Variants in PRTFDC1 observed in about 807,000 individuals in gnomAD.
The protein encoded by PRTFDC1 is phosphoribosyl transferase domain containing 1.
In PRTFDC1, 38 loss-of-function variants were observed where a neutral mutation model predicts 34.6. The observed-to-expected ratio is 1.10, with a 90% CI of 0.85 to 1.44. The LOEUF (loss-of-function observed/expected upper bound fraction) is 1.44. Among genes scored for constraint, PRTFDC1 ranks in the 40% most tolerant of loss-of-function variants. PRTFDC1 has a pLI of 0.00. For missense variants in PRTFDC1, 270 were observed against 283.0 expected, an observed-to-expected ratio of 0.95 and a Z score of 0.33; for synonymous variants, 93 against 98.1, an observed-to-expected ratio of 0.95 and a Z score of 0.31.
chr10:24,940,701 GA>G (rs1849140956), intron 2 of PRTFDC1, among the ~76,000 whole-genome samples: 2 of 152,162 alleles, frequency 1.3e-5, no homozygotes. Context: ...CCATCCAAGA[GA>G]AATGAAAAGA....
intron 4 of PRTFDC1, among the ~76,000 whole-genome samples, chr10:24,862,977 A>C (rs1456119541): frequency 6.6e-6 from 1 of 152,086 alleles, no homozygotes; most frequent in Non-Finnish European, 1.5e-5. Context: ...TCCTGGGTTC[A>C]AGCAATTCTC....
chr10:24,936,356 G>A (rs1849051932), intron 3 of PRTFDC1, among the ~76,000 whole-genome samples: 1 of 151,236 alleles, frequency 6.6e-6, no homozygotes, highest in Admixed American at 6.6e-5. Flanking sequence ...ACAGCTCACT[G>A]CAGCCTCTGT....
intron 2 of PRTFDC1, among the ~76,000 whole-genome samples, chr10:24,939,523 T>C (rs948471647): frequency 6.6e-6 from 1 of 152,044 alleles, no homozygotes; most frequent in African/African-American, 2.4e-5. Flanking sequence ...GCTCACTTTA[T>C]GGCTTACACC....
At chr10:24,879,722 AT>A (rs1848033009) in intron 3 of PRTFDC1, among the ~76,000 whole-genome samples, 1 of 152,218 alleles carries the variant, frequency 6.6e-6, no homozygotes, top group Non-Finnish European at 1.5e-5. Context: ...TTTGAAAACT[AT>A]TAAGTGGGTG....
chr10:24,928,901 G>T (rs1194479002), intron 3 of PRTFDC1, among the ~76,000 whole-genome samples: 2 of 151,624 alleles, frequency 1.3e-5, no homozygotes, highest in African/African-American at 2.4e-5. Context: ...TTAGCCGGGC[G>T]TGGTGGCGGG....
chr10:24,916,387 A>G (rs960853321), intron 3 of PRTFDC1, among the ~76,000 whole-genome samples: 2 of 152,146 alleles, frequency 1.3e-5, no homozygotes, highest in African/African-American at 4.8e-5. Context: ...TCTGCTCAAA[A>G]CCCAGTGAAA....
intron 7 of PRTFDC1, among the ~76,000 whole-genome samples, chr10:24,852,313 A>G (rs746513242): frequency 2.0e-5 from 3 of 151,816 alleles, no homozygotes; most frequent in Non-Finnish European, 4.4e-5. Flanking sequence ...CCACCATGCC[A>G]GGCTAATTTT....
At chr10:24,931,680 C>G (rs1848974341) in intron 3 of PRTFDC1, among the ~76,000 whole-genome samples, 1 of 151,750 alleles carries the variant, frequency 6.6e-6, no homozygotes. Flanking sequence ...AAACTATTAG[C>G]CTGAATACTC....
intron 3 of PRTFDC1, among the ~76,000 whole-genome samples, chr10:24,883,083 AAC>A (rs1309149517): frequency 6.7e-6 from 1 of 148,242 alleles, no homozygotes; most frequent in Non-Finnish European, 1.5e-5. Context: ...TTTATATATA[AAC>A]ACATAGAATA....
chr10:24,869,481 C>G (rs1171012997), intron 4 of PRTFDC1, among the ~76,000 whole-genome samples: 2 of 152,138 alleles, frequency 1.3e-5, no homozygotes, highest in Non-Finnish European at 2.9e-5. Context: ...TGAAAAACTC[C>G]ACAAACAATA....
chr10:24,871,980 A>G lies in PRTFDC1; in HGVS notation c.405+18T>C, dbSNP rs1197374332. On this transcript the variant is annotated intron_variant, in intron 4 of 8. Transcript: ENST00000320152. ...CCCCAGACCTCAATGCGGTCTGAGCACAGTTACATGAACAAACCTTTCCAG... is the reference window on the plus strand; with the variant it reads ...CCCCAGACCTCAATGCGGTCTGAGCGCAGTTACATGAACAAACCTTTCCAG... 1.3e-5 allele frequency: 21 copies of G among 1,595,812 alleles called. No individual in the cohort carries two copies. The highest frequency in any genetic ancestry group is 1.7e-5 in the Non-Finnish European group (20 of 1,163,616).
intron 6 of PRTFDC1, among the ~76,000 whole-genome samples, chr10:24,855,943 A>G (rs1247591195): frequency 6.6e-6 from 1 of 151,890 alleles, no homozygotes; most frequent in African/African-American, 2.4e-5. Flanking sequence ...GTGAAAACCC[A>G]TCTTTACTAA....
intron 3 of PRTFDC1, among the ~76,000 whole-genome samples, chr10:24,914,296 A>C (rs2132573527): frequency 6.6e-6 from 1 of 152,308 alleles, no homozygotes; most frequent in African/African-American, 2.4e-5. Context: ...ATTTGGTCTG[A>C]GTTACTATGA....
intron 3 of PRTFDC1, chr10:24,908,850 A>T: frequency 1.7e-6 from 2 of 1,156,336 alleles, no homozygotes; most frequent in Non-Finnish European, 2.3e-6. Context: ...CAGCCACCTC[A>T]AGAAAACCAG....
In PRTFDC1 at chr10:24,869,891, C is replaced by T. The variant is rs1173258454; in HGVS notation, c.405+2107G>A. Among the ~76,000 whole-genome samples the T allele has an allele frequency of 2.6e-5, 4 of 152,210 alleles. No homozygotes were observed. The East Asian group carries it at 7.7e-4, about 29-fold the overall frequency. On this transcript the variant is annotated intron_variant, in intron 4 of 8. Coordinates refer to ENST00000320152, the MANE Select transcript of PRTFDC1 (RefSeq NM_020200.7). Reference sequence around the variant, plus strand: ...CTGCCCTGTCCTCTCTTACCCCAAACTAATCAAAGACTTCTTTCTAATTTC... The same window carrying T: ...CTGCCCTGTCCTCTCTTACCCCAAATTAATCAAAGACTTCTTTCTAATTTC...
At chr10:24,925,304 C>T (rs1193437372) in intron 3 of PRTFDC1, among the ~76,000 whole-genome samples, 1 of 151,970 alleles carries the variant, frequency 6.6e-6, no homozygotes, top group Non-Finnish European at 1.5e-5. Context: ...GAACATCACA[C>T]ATTGAGGCCT....
At chr10:24,859,199 C>T (rs1220669707) in intron 4 of PRTFDC1, among the ~76,000 whole-genome samples, 1 of 152,146 alleles carries the variant, frequency 6.6e-6, no homozygotes, top group Non-Finnish European at 1.5e-5. Context: ...TGACACCTCC[C>T]CCTCTTTCTC....
At position 24,903,742 on chromosome 10, in the gene PRTFDC1, C is replaced by T. The variant is rs141228330; in HGVS notation, c.340-31679G>A. ...TTTTTGAGACAGGGTCTTGCTCTGT[C>T]ATCTAGGCTGTAGTGCAGTGCTCCT... On this transcript the variant is annotated intron_variant, in intron 3 of 8. Transcript: ENST00000320152. 2.9e-3 allele frequency among the ~76,000 whole-genome samples: 434 copies of T among 150,294 alleles called. 5 individuals carry two copies. The highest frequency in any genetic ancestry group is 9.3e-3 in the African/African-American group (380 of 40,882).
chr10:24,879,093 G>A (rs1392866404), intron 3 of PRTFDC1, among the ~76,000 whole-genome samples: 1 of 152,180 alleles, frequency 6.6e-6, no homozygotes, highest in Non-Finnish European at 1.5e-5. Flanking sequence ...GTTGCAACTG[G>A]CTCGAATTGA....
Sources: gnomAD v4.1 joint callset for allele counts (sites outside exome capture counted in the v4.1 genomes callset) on GRCh38, gnomAD v4.1.1 for gene constraint, MANE v1.5 for transcripts, NCBI Gene and HGNC (gene_info 2026-07-23, HGNC 2026-07-21) for gene names.